The following FRYL variants were observed in gnomAD, a reference collection of about 807,000 sequenced individuals.
FRYL encodes the protein protein furry homolog-like.
FRYL carries 150 observed loss-of-function variants against 351.2 expected under a neutral mutation model. That is an observed-to-expected ratio of 0.43 (90% CI 0.37 to 0.49). The LOEUF (loss-of-function observed/expected upper bound fraction) is 0.49. Ranked by LOEUF, FRYL falls within the 20% of genes least tolerant of loss-of-function variation. The pLI, the probability that FRYL is intolerant of heterozygous loss-of-function variation, is 0.00. For missense variants in FRYL, 3,036 were observed against 3,619.3 expected (o/e 0.84, Z 4.13); for synonymous variants, 1,153 against 1,257.1 (o/e 0.92, Z 1.75).
intron 3 of FRYL, among the ~76,000 whole-genome samples, chr4:48,655,485 A>G (rs1252565417): frequency 6.6e-6 from 1 of 151,880 alleles, no homozygotes; most frequent in Non-Finnish European, 1.5e-5. Flanking sequence ...CATTAACAAT[A>G]TATGTCAACA....
At chr4:48,554,505 A>G (rs1005678681) in intron 35 of FRYL, among the ~76,000 whole-genome samples, 1 of 151,812 alleles carries the variant, frequency 6.6e-6, no homozygotes, top group African/African-American at 2.4e-5. Context: ...CACCCAGATA[A>G]TTTTCGTAGT....
chr4:48,741,229 G>A (rs1268353376), intron 1 of FRYL, among the ~76,000 whole-genome samples: 1 of 151,948 alleles, frequency 6.6e-6, no homozygotes, highest in Non-Finnish European at 1.5e-5. Flanking sequence ...GCAACATGGC[G>A]AAGACTCATC....
intron 9 of FRYL, among the ~76,000 whole-genome samples, chr4:48,607,925 C>T (rs1374501127): frequency 6.6e-6 from 1 of 152,112 alleles, no homozygotes; most frequent in African/African-American, 2.4e-5. Context: ...ATTCCTGAGA[C>T]AGAAACTCAG....
At chr4:48,769,691 TGAAGAGTTAA>T (rs1775316749) in intron 1 of FRYL, among the ~76,000 whole-genome samples, 2 of 152,160 alleles carry the variant, frequency 1.3e-5, no homozygotes, top group Non-Finnish European at 2.9e-5. Context: ...CTTCAGCAGG[TGAAGAGTTAA>T]ACTATGTACT....
chr4:48,694,736 ATTATTTC>A (rs1765992562), intron 2 of FRYL, among the ~76,000 whole-genome samples: 1 of 152,210 alleles, frequency 6.6e-6, no homozygotes, highest in African/African-American at 2.4e-5. Flanking sequence ...TCCCACTAAA[ATTATTTC>A]TTGACTTCAT....
intron 1 of FRYL, among the ~76,000 whole-genome samples, chr4:48,760,369 G>T (rs1774276343): frequency 6.6e-6 from 1 of 152,060 alleles, no homozygotes; most frequent in Non-Finnish European, 1.5e-5. Flanking sequence ...ATTTTACACT[G>T]ATTTTATAAT....
intron 6 of FRYL, among the ~76,000 whole-genome samples, chr4:48,620,382 A>G (rs1024273992): frequency 3.9e-5 from 6 of 152,150 alleles, no homozygotes; most frequent in Admixed American, 1.3e-4. Flanking sequence ...GGCACTCCTA[A>G]ATAGGTTTTT....
At chr4:48,649,595 T>C (rs1017012897) in intron 3 of FRYL, among the ~76,000 whole-genome samples, 7 of 152,232 alleles carry the variant, frequency 4.6e-5, no homozygotes, top group Non-Finnish European at 8.8e-5. Context: ...GCCAATCTTT[T>C]AAATGATAAC....
intron 3 of FRYL, among the ~76,000 whole-genome samples, chr4:48,658,935 A>G (rs1759858812): frequency 6.6e-6 from 1 of 152,174 alleles, no homozygotes; most frequent in Non-Finnish European, 1.5e-5. Flanking sequence ...GCTAACAGTA[A>G]CTACCTATAG....
chr4:48,776,699 T>G (rs1260277782), intron 1 of FRYL, among the ~76,000 whole-genome samples: 12 of 152,208 alleles, frequency 7.9e-5, no homozygotes, highest in Admixed American at 5.9e-4. Context: ...CAGGGCCAGA[T>G]GGATGATCCC....
intron 2 of FRYL, among the ~76,000 whole-genome samples, chr4:48,696,054 T>C (rs576982801): frequency 2.2e-4 from 33 of 152,182 alleles, no homozygotes; most frequent in African/African-American, 7.5e-4. Context: ...TGTGGAGAAA[T>C]AGGAATGCTT....
At chr4:48,756,760 C>G (rs1186343167) in intron 1 of FRYL, among the ~76,000 whole-genome samples, 1 of 152,136 alleles carries the variant, frequency 6.6e-6, no homozygotes, top group African/African-American at 2.4e-5. Context: ...CCAGCCTAGG[C>G]AACACAGTAA....
intron 1 of FRYL, among the ~76,000 whole-genome samples, chr4:48,776,817 A>G (rs532722964): frequency 2.4e-4 from 36 of 152,338 alleles, no homozygotes; most frequent in South Asian, 1.0e-3. Flanking sequence ...GTCTACCCCC[A>G]AAACTACTTT....
intron 1 of FRYL, among the ~76,000 whole-genome samples, chr4:48,719,399 G>C (rs894992365): frequency 2.1e-4 from 32 of 151,596 alleles, no homozygotes; most frequent in African/African-American, 7.3e-4. Context: ...TTACCACTCA[G>C]AGCCTCACGT....
chr4:48,600,616 A>T (rs559038663), intron 13 of FRYL, among the ~76,000 whole-genome samples: 5 of 152,324 alleles, frequency 3.3e-5, no homozygotes, highest in East Asian at 3.9e-4. Flanking sequence ...TATATATATA[A>T]AAATTCCAAC....
At chr4:48,646,060 G>C (rs1177474178) in intron 3 of FRYL, 5 of 152,088 alleles carry the variant, frequency 3.3e-5, no homozygotes, top group African/African-American at 1.2e-4. Context: ...CCAAAATCAT[G>C]TAAAGCTTAT....
intron 3 of FRYL, among the ~76,000 whole-genome samples, chr4:48,674,736 C>CAAAAAAA (rs58696045): frequency 0.081 from 4,492 of 55,616 alleles, 1,109 homozygotes; most frequent in African/African-American, 0.16. Context: ...GACTCTGTCT[C>CAAAAAAA]AAAAAAAAAA....
chr4:48,670,989 A>G (rs1410564371), intron 3 of FRYL, among the ~76,000 whole-genome samples: 21 of 152,236 alleles, frequency 1.4e-4, no homozygotes, highest in Non-Finnish European at 1.5e-5. Flanking sequence ...GATCCTATAT[A>G]GTCACTCTAT....
intron 42 of FRYL, among the ~76,000 whole-genome samples, chr4:48,545,409 C>A (rs759940971): frequency 9.2e-5 from 14 of 152,138 alleles, no homozygotes; most frequent in Non-Finnish European, 1.6e-4. Flanking sequence ...ACCTGCTACG[C>A]ACTGCTTCTG....
Sources: allele counts gnomAD v4.1 joint callset (sites outside exome capture counted in the v4.1 genomes callset), GRCh38; gene constraint gnomAD v4.1.1; transcripts MANE v1.5; gene names NCBI Gene and HGNC (gene_info 2026-07-23, HGNC 2026-07-21).